The following CASK variants were observed in gnomAD, a reference collection of about 807,000 sequenced individuals.
CASK encodes peripheral plasma membrane protein CASK.
Under a neutral mutation model 82.9 loss-of-function variants are expected in CASK, and 4 were observed. The observed-to-expected ratio is 0.05, with a 90% CI of 0.02 to 0.11. The LOEUF (loss-of-function observed/expected upper bound fraction) is 0.11, where lower values mean the gene tolerates loss of function less well. Ranked by LOEUF, CASK falls within the 10% of genes least tolerant of loss-of-function variation. The probability of loss-of-function intolerance (pLI) is 1.00; values close to 1 mark genes in which losing one functional copy is unlikely to be tolerated. For missense variants in CASK, 358 were observed against 720.9 expected, an observed-to-expected ratio of 0.50 and a Z score of 5.76; for synonymous variants, 259 against 253.5, an observed-to-expected ratio of 1.02 and a Z score of -0.20.
chrX:41,735,469 C>A (rs927066305), intron 5 of CASK, among the ~76,000 whole-genome samples: 2 of 111,651 alleles, frequency 1.8e-5, no homozygotes, highest in African/African-American at 6.5e-5. Context: ...ACCCCTGTAA[C>A]AGGGTCTTGA....
intron 5 of CASK, among the ~76,000 whole-genome samples, chrX:41,705,059 T>C (rs971902668): frequency 3.6e-5 from 4 of 112,255 alleles, no homozygotes; most frequent in Non-Finnish European, 5.6e-5. Context: ...GGAAGATACA[T>C]AGTGGAAGTT....
intron 2 of CASK, among the ~76,000 whole-genome samples, chrX:41,796,005 C>T (rs1199587585): frequency 9.0e-6 from 1 of 111,634 alleles, no homozygotes; most frequent in East Asian, 2.8e-4. Flanking sequence ...AGTTGTGGCA[C>T]CGAGGATCTT....
chrX:41,670,748 T>C (rs1212509044), intron 6 of CASK, among the ~76,000 whole-genome samples: 1 of 110,060 alleles, frequency 9.1e-6, no homozygotes, highest in East Asian at 2.8e-4. Context: ...GAGCAAGACA[T>C]TGTCTGAAAG....
chrX:41,631,439 A>G (rs1002261245), intron 9 of CASK, among the ~76,000 whole-genome samples: 10 of 111,444 alleles, frequency 9.0e-5, no homozygotes, highest in Non-Finnish European at 1.9e-5. Flanking sequence ...TTAAAAAAGA[A>G]AAAACAACAT....
rs185086689 is a variant in CASK, at chrX:41,666,134, A to G, written c.533-682T>C. On this transcript the variant is annotated intron_variant, in intron 6 of 26. Transcript: ENST00000378163. ...AACATTAACATATGAAGAGAATGAG[A>G]GCAAATATATGGCATAAACAAAAGC... 7.1e-5 allele frequency among the ~76,000 whole-genome samples: 8 copies of G among 112,147 alleles called. No individual in the cohort carries two copies. The East Asian group carries it at 2.2e-3, about 31-fold the overall frequency.
chrX:41,767,660 T>C (rs1357877388), intron 3 of CASK, among the ~76,000 whole-genome samples: 1 of 111,874 alleles, frequency 8.9e-6, no homozygotes, highest in Admixed American at 9.5e-5. Context: ...ATGACCTTGA[T>C]AGTTTTAAAG....
At position 41,588,508 on chromosome X, in the gene CASK, A is replaced by C. The variant is rs1043104854; in HGVS notation, c.1233+1007T>G. On this transcript the variant is annotated intron_variant, in intron 13 of 26. Coordinates refer to ENST00000378163, the MANE Select transcript of CASK (RefSeq NM_001367721.1). ...TATGAGCCCTTGGTGGTGAAGTCAG[A>C]GACAACCCCTCCAAGCTAGTCCTGA... The C allele has an allele frequency of 9.9e-5, 11 of 110,963 alleles. No individual in the cohort carries two copies. The Admixed American group carries it at 1.1e-3, about 11-fold the overall frequency. 9.1% of individuals were successfully genotyped at this position (110,963 alleles called of 1,213,427 possible). A position where few individuals can be genotyped will look rare whatever the true frequency, so the allele number is the denominator to read the frequency against.
At chrX:41,822,751 A>G (rs1236547299) in intron 2 of CASK, among the ~76,000 whole-genome samples, 1 of 109,000 alleles carries the variant, frequency 9.2e-6, no homozygotes, top group Admixed American at 9.8e-5. Context: ...CGTGAAAACT[A>G]TTGTGACTGG....
chrX:41,646,637 C>A (rs190317017), intron 8 of CASK, among the ~76,000 whole-genome samples: 241 of 111,774 alleles, frequency 2.2e-3, no homozygotes, highest in African/African-American at 6.6e-3. Flanking sequence ...GTTCCCATTA[C>A]CATCCCACTC....
At chrX:41,733,665 C>T (rs922972023) in intron 5 of CASK, among the ~76,000 whole-genome samples, 1 of 110,045 alleles carries the variant, frequency 9.1e-6, no homozygotes, top group Non-Finnish European at 1.9e-5. Context: ...AGGAGAATGG[C>T]GTGGACCTGG....
intron 3 of CASK, among the ~76,000 whole-genome samples, chrX:41,783,403 A>G (rs2147823189): frequency 9.1e-6 from 1 of 109,547 alleles, no homozygotes; most frequent in South Asian, 4.0e-4. Context: ...TGTCTCTACT[A>G]AAAATACAAA....
chrX:41,644,516 A>T (rs956004189), intron 8 of CASK, among the ~76,000 whole-genome samples: 1 of 111,709 alleles, frequency 9.0e-6, no homozygotes, highest in Non-Finnish European at 1.9e-5. Flanking sequence ...AATTGCATTA[A>T]CTGCACAAAT....
intron 5 of CASK, among the ~76,000 whole-genome samples, chrX:41,706,480 G>A: frequency 9.0e-6 from 1 of 111,559 alleles, no homozygotes; most frequent in Middle Eastern, 4.6e-3. Flanking sequence ...AACTTATCCA[G>A]CTCTCAGGAT....
intron 8 of CASK, among the ~76,000 whole-genome samples, chrX:41,643,382 A>T: frequency 9.0e-6 from 1 of 111,326 alleles, no homozygotes. Context: ...CATTTTCATG[A>T]TATTGATTCT....
At chrX:41,699,579 T>C (rs1419361862) in intron 5 of CASK, among the ~76,000 whole-genome samples, 1 of 110,788 alleles carries the variant, frequency 9.0e-6, no homozygotes, top group Non-Finnish European at 1.9e-5. Context: ...TATTATCACT[T>C]TTAAGGGACA....
chrX:41,821,475 T>C (rs936100427), intron 2 of CASK, among the ~76,000 whole-genome samples: 2 of 111,942 alleles, frequency 1.8e-5, no homozygotes, highest in Admixed American at 1.9e-4. Context: ...GGTAATAACA[T>C]AAAATAGTGC....
intron 21 of CASK, among the ~76,000 whole-genome samples, chrX:41,547,176 C>A: frequency 9.0e-6 from 1 of 111,414 alleles, no homozygotes; most frequent in East Asian, 2.8e-4. Flanking sequence ...TCAGGTGATC[C>A]GCCCGTCTCG....
At chrX:41,578,580 A>C (rs1323335082) in intron 14 of CASK, 52 bp from the exon 15 acceptor site, 1 of 894,083 alleles carries the variant, frequency 1.1e-6, no homozygotes, top group East Asian at 3.4e-5. Context: ...TTTCAGCAGA[A>C]ATTTATTTTA....
chrX:41,651,538 G>A lies in CASK; in HGVS notation c.831+8901C>T, dbSNP rs1191633563. 4.5e-5 allele frequency among the ~76,000 whole-genome samples: 5 copies of A among 111,177 alleles called. No homozygotes were observed. The East Asian group carries it at 8.4e-4, about 19-fold the overall frequency. ...CCTGAGTCACTGGGACTGCAGGTGC[G>A]CACCACCACGCTTGGCTAATTTTTT... On this transcript the variant is annotated intron_variant, in intron 8 of 26. Transcript: ENST00000378163.
Sources: allele counts gnomAD v4.1 joint callset (sites outside exome capture counted in the v4.1 genomes callset), GRCh38; gene constraint gnomAD v4.1.1; transcripts MANE v1.5; gene names NCBI Gene and HGNC (gene_info 2026-07-23, HGNC 2026-07-21).